The following FGF13 variants were observed in gnomAD, a reference collection of about 807,000 sequenced individuals.
The protein encoded by FGF13 is fibroblast growth factor 13.
In FGF13, 2 loss-of-function variants were observed where a neutral mutation model predicts 19.5. That is an observed-to-expected ratio of 0.10 (90% CI 0.04 to 0.32). FGF13 has a LOEUF of 0.32. Among genes scored for constraint, FGF13 ranks in the 10% least tolerant of loss-of-function variants. FGF13 has a pLI of 1.00. For missense variants in FGF13, 113 were observed against 192.7 expected, an observed-to-expected ratio of 0.59 and a Z score of 2.45; for synonymous variants, 72 against 76.9, an observed-to-expected ratio of 0.94 and a Z score of 0.33.
chrX:138,826,391 C>A (rs1266437954), intron 3 of FGF13, among the ~76,000 whole-genome samples: 6 of 112,113 alleles, frequency 5.4e-5, no homozygotes, highest in African/African-American at 1.6e-4. Context: ...AACTCATTTC[C>A]ATAAAAGTCA....
rs2088985449 is a variant in FGF13 at position 138,618,186 on chromosome X, A to G, written c.*14664T>C. The G allele has an allele frequency of 9.0e-6, 1 of 111,375 alleles. No homozygotes were observed. Among genetic ancestry groups the G allele is most frequent in the South Asian group, 3.8e-4 (1 of 2,615 alleles). The allele number at this position is 111,375 out of a possible 1,213,427, so 9.2% of individuals were successfully genotyped here. A position where few individuals can be genotyped will look rare whatever the true frequency, so the allele number is the denominator to read the frequency against. The stretch of plus-strand genomic sequence containing the variant: ...GGTAGTCCAGCTCACAGATGGAGCA[A>G]AACAATTACGAGAATAGGCACATTG... On this transcript the variant is annotated 3_prime_UTR_variant, in exon 5 of 5. Transcript: ENST00000315930.
chrX:139,019,080 G>T (rs143284224), intron 1 of FGF13, among the ~76,000 whole-genome samples: 4,635 of 111,220 alleles, frequency 0.042, 249 homozygotes, highest in African/African-American at 0.14. Flanking sequence ...ATAGAATGTT[G>T]TAAATGTATC....
chrX:139,068,174 G>A lies in FGF13; in HGVS notation c.-113+135242C>T, dbSNP rs1231198025. Among the ~76,000 whole-genome samples, 2 of 88,006 alleles carry A rather than the reference G, an allele frequency of 2.3e-5. 1 individual carries two copies. Among genetic ancestry groups the A allele is most frequent in the African/African-American group, 1.0e-4 (2 of 19,814 alleles). 76.4% of individuals were successfully genotyped at this position (88,006 alleles called of 115,157 possible). A position where few individuals can be genotyped will look rare whatever the true frequency, so the allele number is the denominator to read the frequency against. On this transcript the variant is annotated intron_variant, in intron 1 of 2. Transcript: ENST00000421460. ...AATTGATTTTTGTATAAGGTGTAAGGAAGGGATCCAGTTTCAGCTTTCTAC... is the reference window on the plus strand; with the variant it reads ...AATTGATTTTTGTATAAGGTGTAAGAAAGGGATCCAGTTTCAGCTTTCTAC...
intron 1 of FGF13, among the ~76,000 whole-genome samples, chrX:138,984,814 C>CTGTGTG (rs200719953): frequency 0.016 from 1,473 of 90,667 alleles, 29 homozygotes; most frequent in African/African-American, 0.047. Flanking sequence ...TATGTCAGTT[C>CTGTGTG]TGTGTGTGTG....
At chrX:139,081,594 C>A (rs1251202466) in intron 1 of FGF13, among the ~76,000 whole-genome samples, 1 of 111,793 alleles carries the variant, frequency 8.9e-6, no homozygotes, top group Non-Finnish European at 1.9e-5. Context: ...TTGCATCTCA[C>A]TCTTTACTCA....
chrX:139,068,495 T>G (rs2092364889), intron 1 of FGF13, among the ~76,000 whole-genome samples: 2 of 107,309 alleles, frequency 1.9e-5, no homozygotes, highest in African/African-American at 3.5e-5. Flanking sequence ...ATATGAACTT[T>G]AAAGTAGTTT....
chrX:139,029,919 T>C (rs1035857099), intron 1 of FGF13, among the ~76,000 whole-genome samples: 2 of 112,073 alleles, frequency 1.8e-5, no homozygotes, highest in Non-Finnish European at 3.8e-5. Flanking sequence ...AAAGGTTAGA[T>C]AGTAAATAAT....
intron 1 of FGF13, among the ~76,000 whole-genome samples, chrX:138,962,994 T>TA (rs1186416013): frequency 9.2e-6 from 1 of 108,192 alleles, no homozygotes; most frequent in Non-Finnish European, 1.9e-5. Flanking sequence ...TAAAGTATAA[T>TA]AAAAAACAAA....
intron 1 of FGF13, among the ~76,000 whole-genome samples, chrX:138,974,946 T>C (rs2091934060): frequency 8.9e-6 from 1 of 112,282 alleles, no homozygotes; most frequent in African/African-American, 3.2e-5. Flanking sequence ...TCAGAACACA[T>C]AGTGAGACTG....
At chrX:138,637,738 G>T (rs1315382827) in intron 3 of FGF13, among the ~76,000 whole-genome samples, 1 of 111,896 alleles carries the variant, frequency 8.9e-6, no homozygotes, top group Non-Finnish European at 1.9e-5. Context: ...TAGATACAAT[G>T]TGTGCTACCA....
chrX:138,638,928 C>G (rs181512218), intron 3 of FGF13, among the ~76,000 whole-genome samples: 92 of 111,365 alleles, frequency 8.3e-4, no homozygotes, highest in Admixed American at 1.7e-3. Context: ...CTGTCACATC[C>G]TGGCAATTTC....
chrX:138,978,412 T>G (rs1193216027), intron 1 of FGF13, among the ~76,000 whole-genome samples: 20 of 109,549 alleles, frequency 1.8e-4, no homozygotes, highest in South Asian at 4.0e-4. Context: ...ACAGGCGCCC[T>G]CCACCACGCC....
chrX:138,829,994 C>T (rs1303775837), intron 3 of FGF13, among the ~76,000 whole-genome samples: 3 of 112,742 alleles, frequency 2.7e-5, no homozygotes, highest in Non-Finnish European at 5.6e-5. Flanking sequence ...GCTGGGATTA[C>T]AGGCGTGAGC....
In FGF13 at chrX:138,641,084, G is replaced by A. The variant is rs2089246642; in HGVS notation, c.403-5429C>T. 7.1e-5 allele frequency among the ~76,000 whole-genome samples: 8 copies of A among 112,436 alleles called. No homozygotes were observed. In the Admixed American group the frequency reaches 7.5e-4, roughly 11 times the overall value. Reference sequence around the variant, plus strand: ...CTGGCGAACAAAGCCTGTGATGGCAGTGTTGCCAAGTGCACACATCCTGGT... The same window carrying A: ...CTGGCGAACAAAGCCTGTGATGGCAATGTTGCCAAGTGCACACATCCTGGT... On this transcript the variant is annotated intron_variant, in intron 3 of 4. Transcript: ENST00000315930.
At chrX:138,981,087 T>C (rs1038427634) in intron 1 of FGF13, among the ~76,000 whole-genome samples, 5 of 111,317 alleles carry the variant, frequency 4.5e-5, no homozygotes, top group Non-Finnish European at 9.4e-5. Context: ...ATGGCAATGA[T>C]GCCTTAAGAG....
chrX:138,966,284 A>G (rs1252923841), intron 1 of FGF13, among the ~76,000 whole-genome samples: 2 of 112,179 alleles, frequency 1.8e-5, no homozygotes, highest in African/African-American at 6.5e-5. Flanking sequence ...TGTACTGTGC[A>G]CGTGGAAAAG....
intron 1 of FGF13, among the ~76,000 whole-genome samples, chrX:138,903,692 G>A (rs1279586396): frequency 8.9e-6 from 1 of 111,803 alleles, no homozygotes; most frequent in Non-Finnish European, 1.9e-5. Context: ...TATTATAGTA[G>A]AGTCAAGGTA....
chrX:138,710,719 G>A, intron 1 of FGF13, 98 bp downstream of exon 1: 1 of 1,141,383 alleles, frequency 8.8e-7, no homozygotes. Context: ...TGCACAAGAT[G>A]GGCCACCAAC....
chrX:138,697,747 T>C (rs1569367247), intron 3 of FGF13, among the ~76,000 whole-genome samples: 5 of 111,622 alleles, frequency 4.5e-5, no homozygotes, highest in Admixed American at 2.9e-4. Flanking sequence ...GGTTTAACTT[T>C]GAGTTTTTGC....
Sources: gnomAD v4.1 joint callset for allele counts (sites outside exome capture counted in the v4.1 genomes callset) on GRCh38, gnomAD v4.1.1 for gene constraint, MANE v1.5 for transcripts, NCBI Gene and HGNC (gene_info 2026-07-23, HGNC 2026-07-21) for gene names.